Variants in SLC12A5 observed in about 807,000 individuals in gnomAD.
SLC12A5 encodes solute carrier family 12 member 5, also known as K-Cl cotransporter 2.
A neutral mutation model predicts 124.0 loss-of-function variants in SLC12A5; 18 were observed. The ratio of observed to expected loss-of-function variants is 0.15; its 90% CI spans 0.10 to 0.22. The LOEUF (loss-of-function observed/expected upper bound fraction) is 0.22, where lower values mean the gene tolerates loss of function less well. Among genes scored for constraint, SLC12A5 ranks in the 10% least tolerant of loss-of-function variants. The pLI is 1.00. For synonymous variants in SLC12A5, 589 were observed against 568.0 expected, an observed-to-expected ratio of 1.04 and a Z score of -0.53; for missense variants, 867 against 1,478.7, an observed-to-expected ratio of 0.59 and a Z score of 6.78.
At chr20:46,037,139 C>T in intron 5 of SLC12A5, 116 bp from the exon 6 acceptor site, 3 of 1,427,188 alleles carry the variant, frequency 2.1e-6, no homozygotes, top group Non-Finnish European at 2.8e-6. Flanking sequence ...GGCTGCAGCC[C>T]ATAAGCCTGT....
Position 46,035,819 on chromosome 20 carries a change from C to T in SLC12A5, c.322C>T (p.Leu108=). ...GTFMGVYLPC[L]QNIFGVILFL... ...CTTCATGGGCGTGTACCTGCCGTGC[C>T]TGCAGAACATCTTTGGCGTCATCCT... Residue 108 remains leucine (L), a synonymous_variant, in exon 4 of 26, where the codon CTG becomes TTG. Transcript: ENST00000243964. 1.2e-6 allele frequency: 2 copies of T among 1,614,142 alleles called. No individual in the cohort carries two copies. The highest frequency in any genetic ancestry group is 1.7e-6 in the Non-Finnish European group (2 of 1,179,988).
intron 13 of SLC12A5, 53 bp from the exon 14 acceptor site, chr20:46,046,285 G>A: frequency 6.6e-7 from 1 of 1,510,516 alleles, no homozygotes; most frequent in Non-Finnish European, 9.2e-7. Context: ...TGTTGTTTCT[G>A]TTTCTGCCTC....
chr20:46,029,153 G>A (rs928008562), upstream of SLC12A5: 4 of 1,403,702 alleles, frequency 2.8e-6, no homozygotes, highest in Non-Finnish European at 3.7e-6. Context: ...CTGCTGAGAG[G>A]GGGCGCGCGC....
In SLC12A5 at chr20:46,045,644, C is replaced by T. The variant is rs2297198; in HGVS notation, c.1570-234C>T. Among the ~76,000 whole-genome samples the T allele has an allele frequency of 0.15, 23,287 of 152,070 alleles. 2,245 individuals carry two copies. Among genetic ancestry groups the T allele is most frequent in the East Asian group, 0.32 (1,620 of 5,142 alleles). On this transcript the variant is annotated intron_variant, in intron 12 of 25. Transcript: ENST00000243964. The surrounding 1 kb of genome is among the most constrained non-coding windows in gnomAD (Gnocchi z 4.9). Reference sequence around the variant, plus strand: ...ATCTGGTCCTCTGCAGCTGCTTTCCCCCTCTAGGGATCATTTGAACTTCAT... The same window carrying T: ...ATCTGGTCCTCTGCAGCTGCTTTCCTCCTCTAGGGATCATTTGAACTTCAT...
Position 46,029,231 on chromosome 20 carries a change from C to T in SLC12A5, c.-114C>T, listed in dbSNP as rs1262341520. On this transcript the variant is annotated 5_prime_UTR_variant, in exon 1 of 26. Coordinates refer to ENST00000243964, the MANE Select transcript of SLC12A5 (RefSeq NM_020708.5). ...CGGGCGGGCACTGCAGCTTCTTCCTCCGTGGAGCGGAGAGCGAGACAGAGC... is the reference window on the plus strand; with the variant it reads ...CGGGCGGGCACTGCAGCTTCTTCCTTCGTGGAGCGGAGAGCGAGACAGAGC... 6.9e-7 allele frequency: 1 copy of T among 1,450,576 alleles called. No homozygotes were observed. The highest frequency in any genetic ancestry group is 9.1e-7 in the Non-Finnish European group (1 of 1,100,550). The allele number at this position is 1,450,576 out of a possible 1,614,324, so 89.9% of individuals were successfully genotyped here.
At chr20:46,028,684 C>T (rs1027902620), upstream of SLC12A5, among the ~76,000 whole-genome samples, 2 of 152,152 alleles carry the variant, frequency 1.3e-5, no homozygotes, top group Non-Finnish European at 2.9e-5. Flanking sequence ...GTCTGGTTCT[C>T]CTCCCCCACT....
chr20:46,027,398 C>T (rs995955730), upstream of SLC12A5, among the ~76,000 whole-genome samples: 27 of 152,180 alleles, frequency 1.8e-4, no homozygotes, highest in African/African-American at 6.0e-4. Context: ...AATCTGAAGC[C>T]ACTGACAAAT....
chr20:46,035,239 A>G, intron 2 of SLC12A5, 165 bp from the exon 3 acceptor site: 1 of 1,013,714 alleles, frequency 9.9e-7, no homozygotes, highest in South Asian at 1.5e-5. Context: ...TCCTCATCCT[A>G]CCATTCTTAC....
chr20:46,032,732 A>G (rs1025733404), intron 1 of SLC12A5, among the ~76,000 whole-genome samples: 1 of 152,134 alleles, frequency 6.6e-6, no homozygotes, highest in Non-Finnish European at 1.5e-5. Flanking sequence ...TTTAACCGTT[A>G]GGAAACATCC....
chr20:46,035,216 G>T (rs1463983837), intron 2 of SLC12A5, 174 bp downstream of exon 2: 1 of 984,782 alleles, frequency 1.0e-6, no homozygotes, highest in Admixed American at 2.0e-5. Flanking sequence ...TACTCCCTCT[G>T]CTCCCTGCCC....
In SLC12A5 at chr20:46,057,752, C is replaced by A; in HGVS notation, c.*147C>A. 1 of 640,716 alleles carries A rather than the reference C, an allele frequency of 1.6e-6. No individual in the cohort carries two copies. Among genetic ancestry groups the A allele is most frequent in the Non-Finnish European group, 2.6e-6 (1 of 385,406 alleles). 39.7% of individuals were successfully genotyped at this position (640,716 alleles called of 1,614,324 possible). ...CCCGCTGCCTGAAGCCCGGAGGCCA[C>A]GCCTGTTGGGGCTGATTCGGAGAGG... On this transcript the variant is annotated 3_prime_UTR_variant, in exon 26 of 26. Transcript: ENST00000243964. The surrounding 1 kb of genome is among the most constrained non-coding windows in gnomAD (Gnocchi z 7.1).
In SLC12A5 at chr20:46,058,339, C is replaced by T. The variant is rs927564296; in HGVS notation, c.*734C>T. 29 of 397,848 alleles carry T rather than the reference C, an allele frequency of 7.3e-5. No homozygotes were observed. Among genetic ancestry groups the T allele is most frequent in the Non-Finnish European group, 9.7e-5 (22 of 226,024 alleles). The allele number at this position is 397,848 out of a possible 1,614,324, so 24.6% of individuals were successfully genotyped here. A position where few individuals can be genotyped will look rare whatever the true frequency, so the allele number is the denominator to read the frequency against. ...GCCTCGTTCCCTCGACACCTCCGTC[C>T]TGCTCTCGCCTCTTCGCCCTTTCCG... On this transcript the variant is annotated 3_prime_UTR_variant, in exon 26 of 26. Transcript: ENST00000243964. The surrounding 1 kb of genome is among the most constrained non-coding windows in gnomAD (Gnocchi z 5.8).
intron 11 of SLC12A5, among the ~76,000 whole-genome samples, chr20:46,044,607 G>A (rs1281635890): frequency 2.0e-5 from 3 of 152,098 alleles, no homozygotes. Context: ...TCACTGTCCT[G>A]GAGCACTCAT....
In SLC12A5 at chr20:46,036,760, C is replaced by G; in HGVS notation, c.446C>G (p.Ser149Cys). 1 of 1,613,952 alleles carries G rather than the reference C, an allele frequency of 6.2e-7. No individual in the cohort carries two copies. Among genetic ancestry groups the G allele is most frequent in the Non-Finnish European group, 8.5e-7 (1 of 1,179,948 alleles). The change falls in exon 5 of 26, where the codon TCC becomes TGC. Residue 149 changes from serine (S) to cysteine (C), a missense_variant. This residue lies in a region of SLC12A5 where 126 missense variants were observed against 291.6 expected (regional missense o/e 0.43). Transcript: ENST00000243964. The stretch of plus-strand genomic sequence containing the variant: ...TCACAGACGATGCTCACGGCCATCT[C>G]CATGAGTGCAATTGCAACGAATGGT... ...CCSCTMLTAI[S>C]MSAIATNGVV... is the part of the protein sequence containing the mutation.
At chr20:46,025,713 T>C (rs1053066943), upstream of SLC12A5, among the ~76,000 whole-genome samples, 1 of 152,168 alleles carries the variant, frequency 6.6e-6, no homozygotes, top group African/African-American at 2.4e-5. Flanking sequence ...GTGGTTGACG[T>C]GCTCCGCAGT....
At chr20:46,047,869 C>G (rs2084610198) in intron 15 of SLC12A5, 112 bp from the exon 16 acceptor site, 2 of 1,063,236 alleles carry the variant, frequency 1.9e-6, no homozygotes, top group African/African-American at 3.2e-5. Context: ...TACACATGTC[C>G]TTTCTGAGCC....
At chr20:46,046,214 C>T (rs2145495131) in intron 13 of SLC12A5, 124 bp from the exon 14 acceptor site, 3 of 928,492 alleles carry the variant, frequency 3.2e-6, no homozygotes, top group African/African-American at 3.2e-5. Context: ...TCCTAAGCAC[C>T]ACAGCATGAT....
Position 46,047,517 on chromosome 20 carries a change from T to C in SLC12A5, c.1851T>C (p.Tyr617=), listed in dbSNP as rs2084606631. The change falls in exon 15 of 26, where the codon TAT becomes TAC. Residue 617 remains tyrosine, a synonymous_variant. Coordinates refer to ENST00000243964, the MANE Select transcript of SLC12A5 (RefSeq NM_020708.5). ...TCATGTTCATCTGCTCCTGGTATTA[T>C]GCACTGGTAGCCATGCTCATTGCTG... The part of the protein sequence containing the change: ...LALMFICSWY[Y]ALVAMLIAGL... 6 of 1,614,124 alleles carry C rather than the reference T, an allele frequency of 3.7e-6. No homozygotes were observed. Among genetic ancestry groups the C allele is most frequent in the Non-Finnish European group, 4.2e-6 (5 of 1,179,992 alleles).
Position 46,056,018 on chromosome 20 carries a change from T to C in SLC12A5, c.2788-132T>C. On this transcript the variant is annotated intron_variant, in intron 21 of 25. Transcript: ENST00000243964. This position sits in a 1 kb window ranked among gnomAD's most constrained non-coding sequence, Gnocchi z 4.3. Reference sequence around the variant, plus strand: ...GCAGTAGCTATTTGGTCTCAAATCATAGCAATATTTTAACAACTGGTACAG... The same window carrying C: ...GCAGTAGCTATTTGGTCTCAAATCACAGCAATATTTTAACAACTGGTACAG... 7.7e-7 allele frequency: 1 copy of C among 1,298,812 alleles called. No individual in the cohort carries two copies. Among genetic ancestry groups the C allele is most frequent in the Non-Finnish European group, 1.1e-6 (1 of 950,464 alleles). The allele number at this position is 1,298,812 out of a possible 1,614,324, so 80.5% of individuals were successfully genotyped here. A position where few individuals can be genotyped will look rare whatever the true frequency, so the allele number is the denominator to read the frequency against.
Sources: allele counts gnomAD v4.1 joint callset (sites outside exome capture counted in the v4.1 genomes callset), GRCh38; gene constraint gnomAD v4.1.1; regional missense constraint gnomAD v4.1.1; non-coding constraint Gnocchi (gnomAD v3.1); transcripts MANE v1.5; gene names NCBI Gene and HGNC (gene_info 2026-07-23, HGNC 2026-07-21).